The following DNAH9 variants were observed in gnomAD, a reference collection of about 807,000 sequenced individuals.
DNAH9 encodes DNAH9 variant protein.
In DNAH9, 345 loss-of-function variants were observed where a neutral mutation model predicts 471.6. That is an observed-to-expected ratio of 0.73 (90% CI 0.67 to 0.80). DNAH9 has a LOEUF of 0.80. Among genes scored for constraint, DNAH9 ranks in the 30% least tolerant of loss-of-function variants. The pLI is 0.00. For synonymous variants in DNAH9, 2,093 were observed against 2,123.6 expected, an observed-to-expected ratio of 0.99 and a Z score of 0.40; for missense variants, 5,407 against 5,609.2, an observed-to-expected ratio of 0.96 and a Z score of 1.15.
intron 38 of DNAH9, among the ~76,000 whole-genome samples, chr17:11,772,983 C>G (rs1968270651): frequency 6.6e-6 from 1 of 152,208 alleles, no homozygotes; most frequent in Non-Finnish European, 1.5e-5. Flanking sequence ...TAGCCCAAGA[C>G]ATTTTAAGAG....
At chr17:11,845,265 T>C (rs1396226828) in intron 49 of DNAH9, among the ~76,000 whole-genome samples, 14 of 114,078 alleles carry the variant, frequency 1.2e-4, no homozygotes, top group Non-Finnish European at 2.7e-4. Context: ...GTTTGGTTTT[T>C]TGTTCTTGCG....
At chr17:11,782,120 C>T (rs1188986115) in intron 39 of DNAH9, among the ~76,000 whole-genome samples, 3 of 152,146 alleles carry the variant, frequency 2.0e-5, no homozygotes, top group African/African-American at 7.2e-5. Flanking sequence ...AAGATGGCAA[C>T]TTGAGTTGCC....
chr17:11,952,954 G>T (rs1975446037), intron 67 of DNAH9, among the ~76,000 whole-genome samples: 1 of 152,170 alleles, frequency 6.6e-6, no homozygotes, highest in African/African-American at 2.4e-5. Flanking sequence ...GTAGAGAGGT[G>T]TCTCCTCTCT....
At position 11,941,771 on chromosome 17, in the gene DNAH9, C is replaced by T. The variant is rs550100970; in HGVS notation, c.12661-532C>T. Among the ~76,000 whole-genome samples, 306 of 151,802 alleles carry T rather than the reference C, an allele frequency of 2.0e-3. 2 individuals are homozygous for T. The highest frequency in any genetic ancestry group is 6.9e-3 in the African/African-American group (284 of 41,336). On this transcript the variant is annotated intron_variant, in intron 66 of 68. Transcript: ENST00000262442. Reference sequence around the variant, plus strand: ...ATTAGATAGATGGATAGATGAATGACAGATTAGATAGATGATAGATAGATA... The same window carrying T: ...ATTAGATAGATGGATAGATGAATGATAGATTAGATAGATGATAGATAGATA...
At chr17:11,960,424 A>G (rs967274543) in intron 67 of DNAH9, among the ~76,000 whole-genome samples, 2 of 135,994 alleles carry the variant, frequency 1.5e-5, no homozygotes, top group Non-Finnish European at 3.1e-5. Context: ...TGACAGAGCA[A>G]GACTCTGTCT....
In DNAH9 at chr17:11,669,685, G is replaced by A; in HGVS notation, c.3244G>A (p.Asp1082Asn). ...VCRLEPIKVF[D>N]GWMKIDIRPF... ...CAGGCTGGAACCCATCAAGGTGTTT[G>A]ACGGCTGGATGAAAATTGATATTCG... The change falls in exon 17 of 69, where the codon GAC (aspartate) becomes AAC (asparagine). Residue 1082 changes from aspartate to asparagine, a missense_variant. By Grantham distance (23) the Asp-to-Asn change is conservative. Coordinates refer to ENST00000262442, the MANE Select transcript of DNAH9 (RefSeq NM_001372.4). 1 of 1,614,168 alleles carries A rather than the reference G, an allele frequency of 6.2e-7. No homozygotes were observed. Among genetic ancestry groups the A allele is most frequent in the Non-Finnish European group, 8.5e-7 (1 of 1,180,020 alleles).
In DNAH9 at chr17:11,744,425, A is replaced by T. The variant is rs1205955615; in HGVS notation, c.6112-372A>T. ...AGAATGTGAAGGCCTCCAAGGTGGC[A>T]CATGTAAGCTCAGCGTCTACCATCT... On this transcript the variant is annotated intron_variant, in intron 30 of 68. Transcript: ENST00000262442. Among the ~76,000 whole-genome samples, 3 of 152,198 alleles carry T rather than the reference A, an allele frequency of 2.0e-5. No homozygotes were observed. The East Asian group carries it at 5.8e-4, about 29-fold the overall frequency.
intron 24 of DNAH9, among the ~76,000 whole-genome samples, chr17:11,702,579 T>C (rs2074620068): frequency 6.6e-6 from 1 of 152,066 alleles, no homozygotes; most frequent in South Asian, 2.1e-4. Flanking sequence ...TAAGAAATGG[T>C]CTTTTGGGAG....
chr17:11,699,205 C>A lies in DNAH9; in HGVS notation c.4873-526C>A, dbSNP rs948669844. On this transcript the variant is annotated intron_variant, in intron 22 of 68. Coordinates refer to ENST00000262442, the MANE Select transcript of DNAH9 (RefSeq NM_001372.4). ...TGGAGGTTGCAGTGAGCCAAGATTG[C>A]GCCACTGCACTCCAGCCTGGGCGAC... 3.9e-5 allele frequency among the ~76,000 whole-genome samples: 6 copies of A among 152,142 alleles called. No homozygotes were observed. In the East Asian group the frequency reaches 1.2e-3, roughly 30 times the overall value.
intron 48 of DNAH9, 44 bp from the exon 49 acceptor site, chr17:11,834,594 C>T: frequency 1.2e-6 from 2 of 1,608,724 alleles, no homozygotes; most frequent in South Asian, 2.2e-5. Context: ...CCCACAGTCC[C>T]TCCAGTCACA....
chr17:11,854,380 C>A lies in DNAH9; in HGVS notation c.9885C>A (p.Asp3295Glu). 1.9e-6 allele frequency: 3 copies of A among 1,614,072 alleles called. No individual in the cohort carries two copies. The highest frequency in any genetic ancestry group is 2.5e-6 in the Non-Finnish European group (3 of 1,179,996). The change falls in exon 50 of 69, where the codon GAC (aspartate) becomes GAA (glutamate). Residue 3295 changes from aspartate to glutamate, a missense_variant. By Grantham distance (45) the Asp-to-Glu change is conservative (BLOSUM62 2). This residue lies in a region of DNAH9 where 4,636 missense variants were observed against 4,900.3 expected (regional missense o/e 0.95). Transcript: ENST00000262442. ...KRQALNKATA[D>E]LTAAQEKLAA... ...AGGCACTGAACAAAGCCACCGCGGA[C>A]CTCACAGCTGCCCAGGAGAAGCTGG...
intron 6 of DNAH9, among the ~76,000 whole-genome samples, chr17:11,627,194 T>C (rs1971269791): frequency 6.6e-6 from 1 of 152,180 alleles, no homozygotes; most frequent in South Asian, 2.1e-4. Context: ...CATAAAACAA[T>C]GTAAGTATCT....
At chr17:11,823,389 C>T (rs1276829228) in intron 48 of DNAH9, among the ~76,000 whole-genome samples, 1 of 152,184 alleles carries the variant, frequency 6.6e-6, no homozygotes, top group African/African-American at 2.4e-5. Context: ...AGCACCTCTT[C>T]CCTCTTCCTC....
At chr17:11,796,469 C>G (rs1597658764) in intron 42 of DNAH9, among the ~76,000 whole-genome samples, 1 of 152,234 alleles carries the variant, frequency 6.6e-6, no homozygotes, top group East Asian at 1.9e-4. Flanking sequence ...CTTCTTACAC[C>G]CAGGCAGCAG....
At chr17:11,756,446 C>T (rs559018105) in intron 33 of DNAH9, 122 bp from the exon 34 acceptor site, 4 of 684,140 alleles carry the variant, frequency 5.8e-6, no homozygotes, top group African/African-American at 3.6e-5. Flanking sequence ...CACAGCCAAA[C>T]CATATAAAGG....
intron 67 of DNAH9, among the ~76,000 whole-genome samples, chr17:11,942,830 A>T (rs1219447568): frequency 6.6e-6 from 1 of 152,010 alleles, no homozygotes; most frequent in Non-Finnish European, 1.5e-5. Context: ...CAGGAAATGG[A>T]AGCTCTTGCT....
At chr17:11,722,947 G>A (rs912563672) in intron 27 of DNAH9, among the ~76,000 whole-genome samples, 2 of 152,092 alleles carry the variant, frequency 1.3e-5, no homozygotes, top group African/African-American at 4.8e-5. Flanking sequence ...CAGCCATATT[G>A]TGGATACTAC....
intron 14 of DNAH9, among the ~76,000 whole-genome samples, chr17:11,654,400 C>T (rs1005836349): frequency 6.8e-6 from 1 of 147,628 alleles, no homozygotes; most frequent in South Asian, 2.2e-4. Context: ...ATCTATCATC[C>T]ATCTATCGTC....
At chr17:11,769,034 CCT>C (rs1164035704) in intron 37 of DNAH9, 86 bp from the exon 38 acceptor site, 2 of 1,372,692 alleles carry the variant, frequency 1.5e-6, no homozygotes, top group South Asian at 1.2e-5. Flanking sequence ...GACGGAATCC[CCT>C]GTTCTGAAAT....
Sources: allele counts gnomAD v4.1 joint callset (sites outside exome capture counted in the v4.1 genomes callset), GRCh38; gene constraint gnomAD v4.1.1; regional missense constraint gnomAD v4.1.1; transcripts MANE v1.5; gene names NCBI Gene and HGNC (gene_info 2026-07-23, HGNC 2026-07-21).